The following NUF2 variants were observed in gnomAD, a reference collection of about 807,000 sequenced individuals.
NUF2 encodes kinetochore protein Nuf2.
A neutral mutation model predicts 61.8 loss-of-function variants in NUF2; 34 were observed. The observed-to-expected ratio is 0.55, with a 90% CI of 0.42 to 0.73. The LOEUF is 0.73. NUF2 is among the 30% of genes least tolerant of loss of function. The pLI is 0.00. For missense variants in NUF2, 445 were observed against 539.1 expected (o/e 0.83, Z 1.73); for synonymous variants, 172 against 181.6 (o/e 0.95, Z 0.42).
At chr1:163,341,791 C>A (rs532779300) in intron 9 of NUF2, among the ~76,000 whole-genome samples, 1 of 152,088 alleles carries the variant, frequency 6.6e-6, no homozygotes, top group East Asian at 1.9e-4. Flanking sequence ...CCACTCCCGG[C>A]TAATTTTTTT....
intron 10 of NUF2, among the ~76,000 whole-genome samples, chr1:163,344,077 G>A (rs890668552): frequency 6.6e-6 from 1 of 152,070 alleles, no homozygotes; most frequent in African/African-American, 2.4e-5. Context: ...GTTCAATTAT[G>A]CAACAATTTT....
At chr1:163,353,352 G>A (rs1253553184) in intron 13 of NUF2, among the ~76,000 whole-genome samples, 2 of 152,176 alleles carry the variant, frequency 1.3e-5, no homozygotes, top group African/African-American at 4.8e-5. Context: ...GATTTGAAAA[G>A]TGAGATAGTT....
At chr1:163,348,780 A>G (rs1651215831) in intron 12 of NUF2, among the ~76,000 whole-genome samples, 165 bp from the exon 13 acceptor site, 1 of 152,206 alleles carries the variant, frequency 6.6e-6, no homozygotes, top group African/African-American at 2.4e-5. Context: ...ATGTGATTAT[A>G]GTACCACACT....
At chr1:163,328,111 T>G (rs1650485140) in intron 3 of NUF2, 117 bp from the exon 4 acceptor site, 1 of 571,286 alleles carries the variant, frequency 1.8e-6, no homozygotes, top group East Asian at 2.9e-5. Flanking sequence ...TACTAGGATA[T>G]GTATTAAGGT....
intron 5 of NUF2, among the ~76,000 whole-genome samples, chr1:163,336,446 T>A (rs1911980): frequency 6.6e-6 from 1 of 151,868 alleles, no homozygotes; most frequent in Non-Finnish European, 1.5e-5. Context: ...TATATTGCCT[T>A]TTATCCAGCA....
chr1:163,339,308 T>C (rs951824410), intron 7 of NUF2, 73 bp from the exon 8 acceptor site: 1 of 845,596 alleles, frequency 1.2e-6, no homozygotes, highest in African/African-American at 1.7e-5. Flanking sequence ...ATCTCAGTTA[T>C]TTGAGGACAG....
At chr1:163,336,880 C>A in intron 6 of NUF2, 32 bp downstream of exon 6, 2 of 1,268,812 alleles carry the variant, frequency 1.6e-6, no homozygotes, top group South Asian at 1.2e-5. Context: ...GGGTTACATG[C>A]CAGATCAGTA....
At position 163,327,098 on chromosome 1, in the gene NUF2, T is replaced by TCTTTAAAA. The variant is rs1553230626; in HGVS notation, c.124-389_124-388insTTTAAAAC. Among the ~76,000 whole-genome samples the TCTTTAAAA allele has an allele frequency of 8.4e-3, 281 of 33,362 alleles. 1 individual carries two copies. Among genetic ancestry groups the TCTTTAAAA allele is most frequent in the East Asian group, 0.016 (10 of 632 alleles). 21.9% of individuals were successfully genotyped at this position (33,362 alleles called of 152,430 possible). A position where few individuals can be genotyped will look rare whatever the true frequency, so the allele number is the denominator to read the frequency against. Reference sequence around the variant, plus strand: ...TGGCAGCAAACAAGGTTTCCTGTGTTCACACACACACACACACACACACAC... The same window carrying TCTTTAAAA: ...TGGCAGCAAACAAGGTTTCCTGTGTTCTTTAAAACACACACACACACACACACACACAC... On this transcript the variant is annotated intron_variant, in intron 2 of 13. Coordinates refer to ENST00000271452, the MANE Select transcript of NUF2 (RefSeq NM_145697.3).
At chr1:163,339,143 A>C in intron 7 of NUF2, 1 of 417,206 alleles carries the variant, frequency 2.4e-6, no homozygotes. Flanking sequence ...AAGGATAGGT[A>C]TGTGTGTGGA....
chr1:163,345,942 G>T (rs1452730960), intron 11 of NUF2, 124 bp downstream of exon 11: 1 of 618,036 alleles, frequency 1.6e-6, no homozygotes, highest in East Asian at 2.9e-5. Flanking sequence ...CAGTATAATA[G>T]ATGTGGCAAT....
chr1:163,323,884 A>G (rs1650325156), intron 1 of NUF2, among the ~76,000 whole-genome samples: 1 of 152,122 alleles, frequency 6.6e-6, no homozygotes, highest in African/African-American at 2.4e-5. Context: ...AAAGAGAGGG[A>G]AAGGGGGAAA....
chr1:163,339,007 A>G (rs1220029933), intron 7 of NUF2, among the ~76,000 whole-genome samples: 1 of 152,154 alleles, frequency 6.6e-6, no homozygotes, highest in Non-Finnish European at 1.5e-5. Flanking sequence ...GTAAGGAAGG[A>G]CTAGTAGCGG....
At position 163,347,930 on chromosome 1, in the gene NUF2, A is replaced by C. The variant is rs760194804; in HGVS notation, c.1116A>C (p.Thr372=). 6.4e-7 allele frequency: 1 copy of C among 1,564,630 alleles called. No homozygotes were observed. The change falls in exon 12 of 14, where the codon ACA becomes ACC. Residue 372 remains threonine, a synonymous_variant. Transcript: ENST00000271452. ...AAGATGTTAAGCAATACAAACGCAC[A>C]GTAATTGAGTATGGAGTTGTTTTCA... ...KHEDVKQYKR[T]VIEDCNKVQE...
intron 13 of NUF2, among the ~76,000 whole-genome samples, chr1:163,354,188 T>C (rs1318648044): frequency 6.6e-6 from 1 of 152,200 alleles, no homozygotes; most frequent in East Asian, 1.9e-4. Flanking sequence ...TTCAAAAATT[T>C]TGATTTATTT....
At chr1:163,328,535 G>A in intron 4 of NUF2, 1 of 495,740 alleles carries the variant, frequency 2.0e-6, no homozygotes, top group Middle Eastern at 5.1e-4. Flanking sequence ...GATACTGTAA[G>A]TCGAAAATTG....
At chr1:163,339,252 A>G in intron 7 of NUF2, 129 bp from the exon 8 acceptor site, 1 of 603,942 alleles carries the variant, frequency 1.7e-6, no homozygotes, top group South Asian at 2.1e-5. Context: ...AATGATTGCC[A>G]CATGAAAGGG....
At chr1:163,335,700 C>T (rs183392464) in intron 5 of NUF2, among the ~76,000 whole-genome samples, 4 of 152,022 alleles carry the variant, frequency 2.6e-5, no homozygotes, top group African/African-American at 9.6e-5. Flanking sequence ...CTGTAAAAGT[C>T]TTTTTGTCCC....
chr1:163,350,604 A>G (rs1020120203), intron 13 of NUF2, among the ~76,000 whole-genome samples: 11 of 152,224 alleles, frequency 7.2e-5, no homozygotes, highest in African/African-American at 2.7e-4. Flanking sequence ...AACCATGCCT[A>G]GAATGGTGCC....
At position 163,345,713 on chromosome 1, in the gene NUF2, C is replaced by T; in HGVS notation, c.843C>T (p.Asp281=). Residue 281 remains aspartate (D), a synonymous_variant, in exon 11 of 14, where the codon GAC becomes GAT. Coordinates refer to ENST00000271452, the MANE Select transcript of NUF2 (RefSeq NM_145697.3). ...TGGAGAAATATGAAATCTATGGAGA[C>T]TCAGTTGACTGCCTGCCTTCATGTC... The part of the protein sequence containing the change: ...EVVEKYEIYG[D]SVDCLPSCQL... The T allele has an allele frequency of 1.2e-6, 2 of 1,612,970 alleles. No homozygotes were observed. The highest frequency in any genetic ancestry group is 1.7e-6 in the Non-Finnish European group (2 of 1,179,256).
Sources: gnomAD v4.1 joint callset for allele counts (sites outside exome capture counted in the v4.1 genomes callset) on GRCh38, gnomAD v4.1.1 for gene constraint, MANE v1.5 for transcripts, NCBI Gene and HGNC (gene_info 2026-07-23, HGNC 2026-07-21) for gene names.